Variants in LEF1 observed in about 807,000 individuals in gnomAD.
LEF1 encodes lymphoid enhancer-binding factor 1.
A neutral mutation model predicts 51.2 loss-of-function variants in LEF1; 14 were observed. The observed-to-expected ratio is 0.27, with a 90% CI of 0.18 to 0.43. The LOEUF is 0.43. Ranked by LOEUF, LEF1 falls within the 20% of genes least tolerant of loss-of-function variation. LEF1 has a pLI of 1.00. For missense variants in LEF1, 386 were observed against 512.0 expected (o/e 0.75, Z 2.37); for synonymous variants, 185 against 183.2 (o/e 1.01, Z -0.08).
In LEF1 at chr4:108,130,851, AAATT is replaced by A. The variant is rs559401038; in HGVS notation, c.414+32713_414+32716del. Among the ~76,000 whole-genome samples, 15 of 152,302 alleles carry A rather than the reference AAATT, an allele frequency of 9.8e-5. No individual in the cohort carries two copies. In the East Asian group the frequency reaches 2.9e-3, roughly 29 times the overall value. On this transcript the variant is annotated intron_variant, in intron 3 of 11. Coordinates refer to ENST00000265165, the MANE Select transcript of LEF1 (RefSeq NM_016269.5). ...CACTCCACTAACAAGTGAAGAAAGAAAATTAATGAGGCATACAAAATTTTTTTTC... is the reference window on the plus strand; with the variant it reads ...CACTCCACTAACAAGTGAAGAAAGAAAATGAGGCATACAAAATTTTTTTTC...
At chr4:108,096,612 T>G (rs115172975) in intron 3 of LEF1, among the ~76,000 whole-genome samples, 4,861 of 152,200 alleles carry the variant, frequency 0.032, 96 homozygotes, top group Middle Eastern at 0.12. Context: ...GTTAAAAAGC[T>G]TCTGGAGAGC....
At chr4:108,149,640 T>C (rs962128724) in intron 3 of LEF1, among the ~76,000 whole-genome samples, 7 of 150,384 alleles carry the variant, frequency 4.7e-5, no homozygotes, top group Non-Finnish European at 3.0e-5. Flanking sequence ...TATATGTACA[T>C]ATATGTACAT....
chr4:108,163,683 C>T lies in LEF1; in HGVS notation c.299G>A (p.Gly100Asp), dbSNP rs1196942311. 4 of 1,613,386 alleles carry T rather than the reference C, an allele frequency of 2.5e-6. No homozygotes were observed. Among genetic ancestry groups the T allele is most frequent in the South Asian group, 1.1e-5 (1 of 90,988 alleles). Residue 100 changes from glycine to aspartate, a missense_variant, in exon 3 of 12, where the codon GGC becomes GAC. Physicochemically the swap from Gly to Asp is moderately conservative, Grantham distance 94 (BLOSUM62 -1). Transcript: ENST00000265165. ...HPDDGKHPDG[G>D]LYNKGPSYSS... is the part of the protein sequence containing the mutation. ...GTAGGAGGGTCCCTTGTTGTAGAGG[C>T]CTCCATCTGGATGCTTTCCTGGGAA...
At chr4:108,058,844 T>G (rs1278093847) in intron 11 of LEF1, among the ~76,000 whole-genome samples, 1 of 152,142 alleles carries the variant, frequency 6.6e-6, no homozygotes, top group Non-Finnish European at 1.5e-5. Context: ...TCACTAAATG[T>G]TTGCGTGGTG....
intron 3 of LEF1, among the ~76,000 whole-genome samples, chr4:108,097,748 T>TA (rs77236236): frequency 1.3e-5 from 2 of 151,934 alleles, no homozygotes; most frequent in Non-Finnish European, 2.9e-5. Context: ...AGACATTTTT[T>TA]AATATCTGCT....
chr4:108,103,279 G>A (rs993165625), intron 3 of LEF1, among the ~76,000 whole-genome samples: 1 of 152,176 alleles, frequency 6.6e-6, no homozygotes, highest in African/African-American at 2.4e-5. Context: ...ATGTGCTAAT[G>A]AACAGTACAA....
chr4:108,136,534 A>G (rs995193796), intron 3 of LEF1, among the ~76,000 whole-genome samples: 3 of 150,060 alleles, frequency 2.0e-5, no homozygotes, highest in African/African-American at 7.4e-5. Flanking sequence ...AGGTTTGGAT[A>G]CCCCACCCAG....
rs1560784226 is a variant in LEF1 at position 108,092,932 on chromosome 4, A to AC, written c.415-3676_415-3675insG. 8.0e-4 allele frequency among the ~76,000 whole-genome samples: 118 copies of AC among 147,006 alleles called. 4 individuals are homozygous for AC. In the South Asian group the frequency reaches 8.8e-3, roughly 11 times the overall value. ...AATGAATATGTAAAAAAAAAAAAAAAAAAAAAAAAAAAAAAAAGACAAGCA... is the reference window on the plus strand; with the variant it reads ...AATGAATATGTAAAAAAAAAAAAAAACAAAAAAAAAAAAAAAAAGACAAGCA... On this transcript the variant is annotated intron_variant, in intron 3 of 11. Transcript: ENST00000265165.
chr4:108,140,651 C>A (rs1282915085), intron 3 of LEF1, among the ~76,000 whole-genome samples: 1 of 152,150 alleles, frequency 6.6e-6, no homozygotes, highest in Non-Finnish European at 1.5e-5. Context: ...TTCCCCTCAC[C>A]CGGAGTCAGG....
chr4:108,164,120 T>C lies in LEF1; in HGVS notation c.281-419A>G, dbSNP rs140844748. On this transcript the variant is annotated intron_variant, in intron 2 of 11. Transcript: ENST00000265165. Reference sequence around the variant, plus strand: ...ACACTTGAAATTATGTTTTGCCTTGTAGACAAACTCAAAGATTCTACCTGT... The same window carrying C: ...ACACTTGAAATTATGTTTTGCCTTGCAGACAAACTCAAAGATTCTACCTGT... Among the ~76,000 whole-genome samples the C allele has an allele frequency of 3.1e-3, 476 of 152,228 alleles. 1 individual carries two copies. The highest frequency in any genetic ancestry group is 0.011 in the African/African-American group (445 of 41,554).
intron 11 of LEF1, among the ~76,000 whole-genome samples, chr4:108,055,780 T>G (rs913415995): frequency 6.6e-6 from 1 of 152,184 alleles, no homozygotes; most frequent in Non-Finnish European, 1.5e-5. Context: ...ATTTCTCTAT[T>G]TCTGCTCCCC....
intron 3 of LEF1, among the ~76,000 whole-genome samples, chr4:108,152,985 G>C (rs1258219912): frequency 6.6e-6 from 1 of 152,144 alleles, no homozygotes; most frequent in Non-Finnish European, 1.5e-5. Context: ...ATCTTGGTTG[G>C]ACCCTAGTCT....
intron 3 of LEF1, among the ~76,000 whole-genome samples, chr4:108,111,733 G>A (rs1356497732): frequency 2.6e-5 from 4 of 152,086 alleles, no homozygotes; most frequent in Admixed American, 6.5e-5. Context: ...GCAACATGGC[G>A]AAACTCTGTC....
chr4:108,051,717 C>T (rs1737003828), intron 11 of LEF1, among the ~76,000 whole-genome samples: 2 of 152,104 alleles, frequency 1.3e-5, no homozygotes. Context: ...GGCACAAGAC[C>T]CCACCCCACC....
At chr4:108,064,285 A>G (rs767506195) in intron 10 of LEF1, 51 bp downstream of exon 10, 15 of 1,294,662 alleles carry the variant, frequency 1.2e-5, no homozygotes, top group Non-Finnish European at 1.6e-5. Context: ...CTGCCTTAAA[A>G]GGTGTTTGTC....
chr4:108,078,071 A>T, intron 8 of LEF1, 149 bp downstream of exon 8: 1 of 773,550 alleles, frequency 1.3e-6, no homozygotes, highest in Non-Finnish European at 2.1e-6. Context: ...CAGTAAAAAC[A>T]GTTATCAAAA....
At chr4:108,151,101 C>G (rs952566577) in intron 3 of LEF1, among the ~76,000 whole-genome samples, 1 of 152,124 alleles carries the variant, frequency 6.6e-6, no homozygotes, top group African/African-American at 2.4e-5. Context: ...AACAATGATT[C>G]CTAAGCTAAA....
intron 8 of LEF1, among the ~76,000 whole-genome samples, chr4:108,076,501 G>T (rs755058046): frequency 2.0e-5 from 3 of 151,976 alleles, no homozygotes; most frequent in Non-Finnish European, 4.4e-5. Flanking sequence ...TCAGCCTCCC[G>T]AGTAGCTGAG....
intron 3 of LEF1, among the ~76,000 whole-genome samples, chr4:108,144,730 C>T (rs1187708532): frequency 6.6e-6 from 1 of 151,988 alleles, no homozygotes; most frequent in Non-Finnish European, 1.5e-5. Flanking sequence ...TGAAGCACGA[C>T]CTCAAATGAT....
Sources: allele counts gnomAD v4.1 joint callset (sites outside exome capture counted in the v4.1 genomes callset), GRCh38; gene constraint gnomAD v4.1.1; transcripts MANE v1.5; gene names NCBI Gene and HGNC (gene_info 2026-07-23, HGNC 2026-07-21).